CFAP46: variants seen among roughly 807,000 people sequenced by gnomAD.
The protein encoded by CFAP46 is cilia- and flagella-associated protein 46.
Under a neutral mutation model 325.7 loss-of-function variants are expected in CFAP46, and 245 were observed. The ratio of observed to expected loss-of-function variants is 0.75; its 90% CI spans 0.68 to 0.84. The LOEUF is 0.84. CFAP46 is among the 40% of genes least tolerant of loss of function. The probability of loss-of-function intolerance (pLI) is 0.00; values close to 1 mark genes in which losing one functional copy is unlikely to be tolerated. For missense variants in CFAP46, 3,346 were observed against 3,543.0 expected (o/e 0.94, Z 1.41); for synonymous variants, 1,523 against 1,495.9 (o/e 1.02, Z -0.42).
chr10:132,823,513 T>C (rs1374337276), intron 50 of CFAP46, among the ~76,000 whole-genome samples: 1 of 110,104 alleles, frequency 9.1e-6, no homozygotes, highest in Non-Finnish European at 1.9e-5. Flanking sequence ...TGTGTGCTGA[T>C]GTGTGCTGTG....
intron 6 of CFAP46, 53 bp downstream of exon 6, chr10:132,937,499 T>C (rs1308725217): frequency 1.2e-6 from 2 of 1,608,078 alleles, no homozygotes; most frequent in Non-Finnish European, 1.7e-6. Context: ...TTCTGAACAA[T>C]GACTTTTAAG....
At chr10:132,860,329 G>T in intron 37 of CFAP46, 88 bp downstream of exon 37, 1 of 974,304 alleles carries the variant, frequency 1.0e-6, no homozygotes, top group Non-Finnish European at 1.6e-6. Flanking sequence ...AACTTGCATA[G>T]ACTTGACGTA....
In CFAP46 at chr10:132,808,862, T is replaced by TGGA. The variant is rs761493762; in HGVS notation, c.7704_7706dup (p.Pro2569dup). The TGGA allele has an allele frequency of 6.2e-7, 1 of 1,600,952 alleles. No individual in the cohort carries two copies. Among genetic ancestry groups the TGGA allele is most frequent in the Non-Finnish European group, 8.5e-7 (1 of 1,170,694 alleles). ...CGTGGTGGGAAGGAGCTCGGAGCTT[T>TGGA]GGAGCAGCAGCAGCTTGTCCTTCAA... On this transcript the variant is annotated inframe_insertion, in exon 58 of 58. Coordinates refer to ENST00000368586, the MANE Select transcript of CFAP46 (RefSeq NM_001200049.3). This position sits in a 1 kb window ranked among gnomAD's most constrained non-coding sequence, Gnocchi z 6.8.
chr10:132,904,260 G>A (rs1002142632), intron 22 of CFAP46, among the ~76,000 whole-genome samples: 1 of 152,248 alleles, frequency 6.6e-6, no homozygotes, highest in Non-Finnish European at 1.5e-5. Flanking sequence ...GACCAGCGAG[G>A]TGACCACATC....
At chr10:132,925,908 G>A (rs982322000) in intron 10 of CFAP46, among the ~76,000 whole-genome samples, 1 of 152,238 alleles carries the variant, frequency 6.6e-6, no homozygotes, top group Admixed American at 6.5e-5. Flanking sequence ...GCACTGCCTG[G>A]CTGACAGGGC....
chr10:132,824,512 CTGA>C (rs1472106846), intron 50 of CFAP46, among the ~76,000 whole-genome samples: 20 of 90,624 alleles, frequency 2.2e-4, no homozygotes, highest in East Asian at 3.7e-4. Flanking sequence ...CTGATGTGTG[CTGA>C]TGTGTGCTGT....
chr10:132,823,203 GTGTGTGCTGA>G (rs1222946283), intron 50 of CFAP46, among the ~76,000 whole-genome samples: 1 of 133,206 alleles, frequency 7.5e-6, no homozygotes, highest in East Asian at 2.4e-4. Context: ...TGTGTGCTGT[GTGTGTGCTGA>G]TGTGTGCTGT....
At chr10:132,821,762 G>C in intron 50 of CFAP46, among the ~76,000 whole-genome samples, 1 of 137,434 alleles carries the variant, frequency 7.3e-6, no homozygotes, top group Admixed American at 7.1e-5. Flanking sequence ...TGCTGTGTGT[G>C]TGCTGTGTGC....
intron 50 of CFAP46, among the ~76,000 whole-genome samples, chr10:132,829,852 AC>A (rs1348913604): frequency 1.3e-5 from 2 of 152,234 alleles, no homozygotes; most frequent in Non-Finnish European, 2.9e-5. Context: ...TAAATTAATT[AC>A]CCTTGTATTT....
chr10:132,938,455 G>C (rs540808249), intron 5 of CFAP46, 134 bp downstream of exon 5: 1 of 858,968 alleles, frequency 1.2e-6, no homozygotes, highest in South Asian at 1.7e-5. Flanking sequence ...ACTTGTGACT[G>C]TGGGAGAGAA....
intron 50 of CFAP46, among the ~76,000 whole-genome samples, chr10:132,820,149 G>T (rs1286606925): frequency 6.6e-6 from 1 of 150,492 alleles, no homozygotes; most frequent in Non-Finnish European, 1.5e-5. Context: ...ACATCTAAAG[G>T]TGACGACGGA....
chr10:132,881,211 T>C (rs1178230220), intron 27 of CFAP46, among the ~76,000 whole-genome samples, 179 bp from the exon 28 acceptor site: 1 of 152,178 alleles, frequency 6.6e-6, no homozygotes, highest in Non-Finnish European at 1.5e-5. Context: ...TTGGGACATT[T>C]CAGGTGCAGT....
intron 17 of CFAP46, among the ~76,000 whole-genome samples, chr10:132,916,233 A>C (rs1849635341): frequency 6.6e-6 from 1 of 152,206 alleles, no homozygotes; most frequent in Non-Finnish European, 1.5e-5. Context: ...ACGCATCATC[A>C]GAGGGCCTGA....
intron 7 of CFAP46, 83 bp downstream of exon 7, chr10:132,936,878 C>T: frequency 1.4e-6 from 1 of 737,294 alleles, no homozygotes; most frequent in Non-Finnish European, 2.1e-6. Context: ...GACACAGGAC[C>T]TCCCCCCATG....
chr10:132,926,387 A>G (rs991263481), intron 10 of CFAP46, among the ~76,000 whole-genome samples, 181 bp downstream of exon 10: 2 of 152,040 alleles, frequency 1.3e-5, no homozygotes, highest in Admixed American at 6.5e-5. Flanking sequence ...TGTGCGCAGG[A>G]CAGGGAGTGT....
In CFAP46 at chr10:132,827,955, G is replaced by T. The variant is rs567964673; in HGVS notation, c.7117+5403C>A. Among the ~76,000 whole-genome samples, 1 of 151,060 alleles carries T rather than the reference G, an allele frequency of 6.6e-6. No individual in the cohort carries two copies. The highest frequency in any genetic ancestry group is 2.4e-4 in the South Asian group (1 of 4,246). On this transcript the variant is annotated intron_variant, in intron 50 of 57. Coordinates refer to ENST00000368586, the MANE Select transcript of CFAP46 (RefSeq NM_001200049.3). This position sits in a 1 kb window ranked among gnomAD's most constrained non-coding sequence, Gnocchi z 5.7. ...TCACCCCTCGGCGTAATCCTTCTGAGTGAGCCCCGTCACCCCTCAGCGTAA... is the reference window on the plus strand; with the variant it reads ...TCACCCCTCGGCGTAATCCTTCTGATTGAGCCCCGTCACCCCTCAGCGTAA...
At position 132,827,792 on chromosome 10, in the gene CFAP46, C is replaced by T. The variant is rs561256017; in HGVS notation, c.7117+5566G>A. ...CTTCTCCTGCAGCCCCAGCCCCCAC[C>T]CCCAGGAAGCAACTTACCTGCCTTC... On this transcript the variant is annotated intron_variant, in intron 50 of 57. Coordinates refer to ENST00000368586, the MANE Select transcript of CFAP46 (RefSeq NM_001200049.3). The surrounding 1 kb of genome is among the most constrained non-coding windows in gnomAD (Gnocchi z 5.7). 6.6e-6 allele frequency among the ~76,000 whole-genome samples: 1 copy of T among 152,174 alleles called. No homozygotes were observed. The highest frequency in any genetic ancestry group is 1.9e-4 in the East Asian group (1 of 5,162).
At chr10:132,865,988 G>A (rs966762672) in intron 35 of CFAP46, 37 bp downstream of exon 35, 21 of 1,457,200 alleles carry the variant, frequency 1.4e-5, no homozygotes, top group African/African-American at 2.9e-5. Context: ...CGCTGGGAGC[G>A]GCTGTGGATG....
In CFAP46 at chr10:132,880,662, TCA is replaced by T. The variant is rs1468015869; in HGVS notation, c.3799+197_3799+198del. On this transcript the variant is annotated intron_variant, in intron 28 of 57. Transcript: ENST00000368586. ...CTGCAGAGGACAGCACTGAGACACG[TCA>T]GGGGCCCCTGCAGAGGACAGCACTG... Among the ~76,000 whole-genome samples the T allele has an allele frequency of 1.6e-4, 8 of 49,482 alleles. No individual in the cohort carries two copies. In the South Asian group the frequency reaches 4.3e-3, roughly 26 times the overall value. The allele number at this position is 49,482 out of a possible 152,430, so 32.5% of individuals were successfully genotyped here.
Sources: allele counts gnomAD v4.1 joint callset (sites outside exome capture counted in the v4.1 genomes callset), GRCh38; gene constraint gnomAD v4.1.1; non-coding constraint Gnocchi (gnomAD v3.1); transcripts MANE v1.5; gene names NCBI Gene and HGNC (gene_info 2026-07-23, HGNC 2026-07-21).